Variants in SAMMSON observed in about 807,000 individuals in gnomAD.
SAMMSON encodes the protein survival associated mitochondrial melanoma specific oncogenic non-coding RNA.
chr3:70,077,276 T>G (rs2067251211), intron 4 of SAMMSON, among the ~76,000 whole-genome samples: 1 of 152,198 alleles, frequency 6.6e-6, no homozygotes, highest in Non-Finnish European at 1.5e-5. Flanking sequence ...TTTATATTCA[T>G]TTTCTAATTC....
intron 4 of SAMMSON, among the ~76,000 whole-genome samples, chr3:70,091,066 A>G (rs1451872371): frequency 6.6e-6 from 1 of 152,120 alleles, no homozygotes; most frequent in Non-Finnish European, 1.5e-5. Flanking sequence ...TCATCCATCC[A>G]TCATAGACCA....
At chr3:70,058,361 G>A (rs188176358) in intron 3 of SAMMSON, among the ~76,000 whole-genome samples, 4 of 151,974 alleles carry the variant, frequency 2.6e-5, no homozygotes, top group Admixed American at 1.3e-4. Flanking sequence ...GTTTGGATGC[G>A]GTAAAAGTTC....
intron 6 of SAMMSON, among the ~76,000 whole-genome samples, chr3:70,260,352 A>C (rs1701853641): frequency 6.6e-6 from 1 of 151,932 alleles, no homozygotes; most frequent in Non-Finnish European, 1.5e-5. Context: ...GGCCCACTCT[A>C]CTCCGGTACG....
chr3:70,317,769 A>G (rs1447149173), intron 7 of SAMMSON, among the ~76,000 whole-genome samples: 1 of 151,804 alleles, frequency 6.6e-6, no homozygotes, highest in Non-Finnish European at 1.5e-5. Context: ...AGTAGACCTG[A>G]ATTTTCATCT....
At chr3:70,206,292 C>T (rs996567300) in intron 4 of SAMMSON, among the ~76,000 whole-genome samples, 8 of 152,020 alleles carry the variant, frequency 5.3e-5, no homozygotes, top group African/African-American at 1.9e-4. Context: ...TTTTCTTTAT[C>T]TGCCTCATAG....
chr3:70,125,283 A>G, intron 4 of SAMMSON: 1 of 1,291,286 alleles, frequency 7.7e-7, no homozygotes, highest in South Asian at 1.2e-5. Context: ...TCTGATGAAA[A>G]GTCAACATAT....
At chr3:70,253,868 C>A (rs1000522610) in intron 6 of SAMMSON, among the ~76,000 whole-genome samples, 6 of 152,114 alleles carry the variant, frequency 3.9e-5, no homozygotes, top group East Asian at 3.8e-4. Context: ...GAAAAAAATT[C>A]TGTTCCTGGA....
chr3:70,306,364 G>T (rs1273456863), intron 7 of SAMMSON, among the ~76,000 whole-genome samples: 1 of 152,072 alleles, frequency 6.6e-6, no homozygotes, highest in African/African-American at 2.4e-5. Flanking sequence ...ACCCGCCTCG[G>T]CCTCCCAAAG....
At chr3:70,377,107 A>G (rs1300968325) in intron 9 of SAMMSON, among the ~76,000 whole-genome samples, 5 of 152,278 alleles carry the variant, frequency 3.3e-5, no homozygotes, top group Non-Finnish European at 5.9e-5. Context: ...TTAGAAGTAT[A>G]AAAGTTCTTT....
At chr3:70,184,481 C>T (rs549532982) in intron 4 of SAMMSON, among the ~76,000 whole-genome samples, 1 of 152,240 alleles carries the variant, frequency 6.6e-6, no homozygotes, top group African/African-American at 2.4e-5. Context: ...CTTTTTCACC[C>T]GATTTTGGAT....
chr3:70,233,522 T>G (rs927662077), intron 4 of SAMMSON, among the ~76,000 whole-genome samples: 2 of 152,206 alleles, frequency 1.3e-5, no homozygotes, highest in African/African-American at 4.8e-5. Flanking sequence ...TTGACAAGGC[T>G]TTAAAGCATA....
Position 70,186,448 on chromosome 3 carries a change from AT to A in SAMMSON, n.508-62651del, listed in dbSNP as rs1038131366. Among the ~76,000 whole-genome samples, 8 of 151,098 alleles carry A rather than the reference AT, an allele frequency of 5.3e-5. No individual in the cohort carries two copies. In the East Asian group the frequency reaches 9.8e-4, roughly 18 times the overall value. On this transcript the variant is annotated intron_variant and non_coding_transcript_variant, in intron 4 of 9. Transcript: ENST00000642114. ...AATTTTTATTTTTTTATTTTTTGGT[AT>A]TTTTTTTGTAGAGATGAGGTCTCAC...
exon 2 of SAMMSON, chr3:70,012,476 A>C (rs1201303582): frequency 5.3e-5 from 8 of 152,156 alleles, no homozygotes; most frequent in Admixed American, 4.6e-4. Context: ...AAGGGGCGAA[A>C]ACCAAGAATG....
intron 4 of SAMMSON, among the ~76,000 whole-genome samples, chr3:70,139,798 T>C (rs556809450): frequency 1.3e-5 from 2 of 152,286 alleles, no homozygotes; most frequent in South Asian, 4.1e-4. Context: ...TCCATTGTAT[T>C]GGACAATAGA....
chr3:70,271,514 T>C (rs1016002731), intron 6 of SAMMSON, among the ~76,000 whole-genome samples: 1 of 152,212 alleles, frequency 6.6e-6, no homozygotes, highest in Non-Finnish European at 1.5e-5. Flanking sequence ...TGCTTAACTA[T>C]TTAACAAACA....
At chr3:70,140,521 C>T (rs887624262) in intron 4 of SAMMSON, 5 of 158,314 alleles carry the variant, frequency 3.2e-5, no homozygotes, top group Non-Finnish European at 7.1e-5. Flanking sequence ...GCCTTCATCA[C>T]CTTGGCATAA....
intron 4 of SAMMSON, among the ~76,000 whole-genome samples, chr3:70,224,695 A>T (rs1438492639): frequency 6.6e-6 from 1 of 152,106 alleles, no homozygotes; most frequent in Non-Finnish European, 1.5e-5. Flanking sequence ...GGAGTTAAAT[A>T]TCAGGAGAAA....
At position 70,182,223 on chromosome 3, in the gene SAMMSON, C is replaced by T. The variant is rs191144480; in HGVS notation, n.508-66884C>T. Reference sequence around the variant, plus strand: ...CTTATCTCCCCAACCCCCGCCCCCACCTTCGAAAGAAAGGGGTGGGGGAGC... The same window carrying T: ...CTTATCTCCCCAACCCCCGCCCCCATCTTCGAAAGAAAGGGGTGGGGGAGC... On this transcript the variant is annotated intron_variant and non_coding_transcript_variant, in intron 4 of 9. Coordinates refer to ENST00000642114, the Ensembl canonical transcript of SAMMSON. Among the ~76,000 whole-genome samples the T allele has an allele frequency of 5.7e-3, 875 of 152,208 alleles. 6 individuals are homozygous for T. The highest frequency in any genetic ancestry group is 0.02 in the South Asian group (97 of 4,804).
At chr3:70,260,400 C>G (rs1292556682) in intron 6 of SAMMSON, among the ~76,000 whole-genome samples, 2 of 152,050 alleles carry the variant, frequency 1.3e-5, no homozygotes, top group African/African-American at 4.8e-5. Flanking sequence ...CTGCAACAAC[C>G]CTATTTCCAA....
Sources: gnomAD v4.1 joint callset for allele counts (sites outside exome capture counted in the v4.1 genomes callset) on GRCh38, gnomAD v4.1.1 for gene constraint, MANE v1.5 for transcripts, NCBI Gene and HGNC (gene_info 2026-07-23, HGNC 2026-07-21) for gene names.